The following TRIO variants were observed in gnomAD, a reference collection of about 807,000 sequenced individuals.
The protein encoded by TRIO is triple functional domain protein.
In TRIO, 58 loss-of-function variants were observed where a neutral mutation model predicts 351.9. That is an observed-to-expected ratio of 0.16 (90% confidence interval 0.13 to 0.21). The LOEUF (loss-of-function observed/expected upper bound fraction) is 0.21. Ranked by LOEUF, TRIO falls within the 10% of genes least tolerant of loss-of-function variation. The probability of loss-of-function intolerance (pLI) is 1.00; values close to 1 mark genes in which losing one functional copy is unlikely to be tolerated. For synonymous variants in TRIO, 1,758 were observed against 1,595.7 expected, an observed-to-expected ratio of 1.10 and a Z score of -2.42; for missense variants, 3,201 against 4,027.8, an observed-to-expected ratio of 0.79 and a Z score of 5.56.
At chr5:14,164,068 T>C (rs1788627106) in intron 1 of TRIO, among the ~76,000 whole-genome samples, 1 of 152,226 alleles carries the variant, frequency 6.6e-6, no homozygotes. Flanking sequence ...AATGGGGGTT[T>C]CTGATGCCAC....
intron 11 of TRIO, among the ~76,000 whole-genome samples, chr5:14,355,296 A>C (rs935822331): frequency 6.6e-6 from 1 of 152,256 alleles, no homozygotes; most frequent in African/African-American, 2.4e-5. Context: ...CCAAGTTGGC[A>C]CATACTTGGT....
At chr5:14,311,806 G>A (rs30625) in intron 8 of TRIO, among the ~76,000 whole-genome samples, 124,591 of 152,168 alleles carry the variant, frequency 0.82, 51,411 homozygotes, top group African/African-American at 0.9. Flanking sequence ...GCTTTGAGTC[G>A]GCAGAAATAG....
chr5:14,498,526 G>A lies in TRIO; in HGVS notation c.8218G>A (p.Gly2740Arg). Residue 2740 changes from glycine to arginine, a missense_variant, in exon 53 of 57, where the codon GGA becomes AGA. Physicochemically the swap from Gly to Arg is moderately radical, Grantham distance 125 (BLOSUM62 -2). Coordinates refer to ENST00000344204, the MANE Select transcript of TRIO (RefSeq NM_007118.4). Reference protein sequence around the residue: ...GHYSISYSDLGEATLKIVGVT... With the variant: ...GHYSISYSDLREATLKIVGVT... ...TTCCCATCTGTGCCGCAGTGACCTG[G>A]GAGAGGCCACGCTGAAGATTGTGGG... 1 of 1,614,034 alleles carries A rather than the reference G, an allele frequency of 6.2e-7. No homozygotes were observed.
chr5:14,366,727 A>T (rs1486223033), intron 15 of TRIO, 133 bp from the exon 16 acceptor site: 1 of 1,323,736 alleles, frequency 7.6e-7, no homozygotes, highest in Non-Finnish European at 1.0e-6. Context: ...GGATTTTAGG[A>T]TGATGAAGGC....
chr5:14,164,782 T>A lies in TRIO; in HGVS notation c.157+20900T>A, dbSNP rs151111450. On this transcript the variant is annotated intron_variant, in intron 1 of 56. Coordinates refer to ENST00000344204, the MANE Select transcript of TRIO (RefSeq NM_007118.4). ...GCAGTATTGCCTTGTCAGTTACTCT[T>A]GCCAGAGGGATTTCATCATTGGAGT... Among the ~76,000 whole-genome samples, 54 of 152,372 alleles carry A rather than the reference T, an allele frequency of 3.5e-4. 1 individual carries two copies. Among genetic ancestry groups the A allele is most frequent in the African/African-American group, 1.3e-3 (54 of 41,588 alleles).
At chr5:14,247,244 T>A (rs945628454) in intron 1 of TRIO, among the ~76,000 whole-genome samples, 1 of 152,242 alleles carries the variant, frequency 6.6e-6, no homozygotes, top group African/African-American at 2.4e-5. Context: ...CATGGAAATG[T>A]CCTGTCACTG....
chr5:14,309,681 C>CT (rs1384665553), intron 8 of TRIO, among the ~76,000 whole-genome samples: 1 of 152,222 alleles, frequency 6.6e-6, no homozygotes, highest in Non-Finnish European at 1.5e-5. Context: ...CTCTGAAGAG[C>CT]TGGGGGTCTG....
intron 21 of TRIO, among the ~76,000 whole-genome samples, chr5:14,382,417 T>C (rs1746184334): frequency 6.6e-6 from 1 of 152,210 alleles, no homozygotes; most frequent in Admixed American, 6.5e-5. Flanking sequence ...GGTGCTGGGC[T>C]CTCTCCTTTT....
chr5:14,295,623 T>C (rs911169338), intron 6 of TRIO, among the ~76,000 whole-genome samples: 6 of 152,244 alleles, frequency 3.9e-5, no homozygotes, highest in African/African-American at 4.8e-5. Flanking sequence ...TGGCTTTTTC[T>C]CTTTTAAGGA....
rs551515381 is a variant in TRIO at position 14,353,682 on chromosome 5, C to T, written c.2047-4496C>T. ...AGGAAGTGTTAAGTCAGTGCTTGAA[C>T]GCAAGCAGTCTGGCTTTGCAACCTA... On this transcript the variant is annotated intron_variant, in intron 11 of 56. Coordinates refer to ENST00000344204, the MANE Select transcript of TRIO (RefSeq NM_007118.4). Among the ~76,000 whole-genome samples the T allele has an allele frequency of 5.3e-5, 8 of 152,244 alleles. No homozygotes were observed. The East Asian group carries it at 5.8e-4, about 11-fold the overall frequency.
chr5:14,185,572 G>A (rs984668290), intron 1 of TRIO, among the ~76,000 whole-genome samples: 2 of 152,216 alleles, frequency 1.3e-5, no homozygotes, highest in African/African-American at 2.4e-5. Context: ...TGGCTGAAGA[G>A]CAGGGAGAAA....
chr5:14,318,338 C>G (rs918896108), intron 9 of TRIO, among the ~76,000 whole-genome samples: 2 of 150,064 alleles, frequency 1.3e-5, no homozygotes, highest in African/African-American at 4.9e-5. Flanking sequence ...GCTTGTAATC[C>G]CAGTTACTCA....
At chr5:14,486,317 C>A (rs554063495) in intron 47 of TRIO, among the ~76,000 whole-genome samples, 1 of 152,342 alleles carries the variant, frequency 6.6e-6, no homozygotes, top group Admixed American at 6.5e-5. Context: ...CACCTCTACA[C>A]CTTGCGTGAT....
At chr5:14,180,503 A>G (rs1311674623) in intron 1 of TRIO, among the ~76,000 whole-genome samples, 1 of 152,202 alleles carries the variant, frequency 6.6e-6, no homozygotes, top group African/African-American at 2.4e-5. Flanking sequence ...TAAATAAAAA[A>G]GGCAGACCAT....
At chr5:14,252,455 G>A (rs774730933) in intron 1 of TRIO, among the ~76,000 whole-genome samples, 84 of 152,198 alleles carry the variant, frequency 5.5e-4, no homozygotes, top group Non-Finnish European at 9.6e-4. Flanking sequence ...TGTCAGAGTG[G>A]CAGGAATGCC....
At chr5:14,236,584 AT>A in intron 1 of TRIO, among the ~76,000 whole-genome samples, 1 of 152,240 alleles carries the variant, frequency 6.6e-6, no homozygotes, top group East Asian at 1.9e-4. Flanking sequence ...ATCATACCTT[AT>A]CTACCCAAAA....
At chr5:14,400,842 C>G in intron 30 of TRIO, 121 bp from the exon 31 acceptor site, 1 of 773,634 alleles carries the variant, frequency 1.3e-6, no homozygotes, top group South Asian at 1.6e-5. Context: ...GCTGAGATCA[C>G]TAGTGACGTT....
intron 33 of TRIO, among the ~76,000 whole-genome samples, chr5:14,410,877 A>G (rs965567965): frequency 6.6e-6 from 1 of 152,208 alleles, no homozygotes; most frequent in Non-Finnish European, 1.5e-5. Context: ...CACGTTTCCT[A>G]CTTTGAAAAC....
chr5:14,485,624 C>T (rs1279118283), intron 47 of TRIO, among the ~76,000 whole-genome samples: 2 of 152,102 alleles, frequency 1.3e-5, no homozygotes, highest in African/African-American at 2.4e-5. Context: ...TGCGAGAACA[C>T]GAGATGGCAT....
Sources: allele counts gnomAD v4.1 joint callset (sites outside exome capture counted in the v4.1 genomes callset), GRCh38; gene constraint gnomAD v4.1.1; transcripts MANE v1.5; gene names NCBI Gene and HGNC (gene_info 2026-07-23, HGNC 2026-07-21).